Variants in MCTP1 observed in about 807,000 individuals in gnomAD.
MCTP1 encodes multiple C2 and transmembrane domain containing 1, also known as multiple C2 and transmembrane domain-containing protein 1.
Under a neutral mutation model 120.6 loss-of-function variants are expected in MCTP1, and 69 were observed. The ratio of observed to expected loss-of-function variants is 0.57; its 90% CI spans 0.47 to 0.70. The LOEUF (loss-of-function observed/expected upper bound fraction) is 0.70. MCTP1 is among the 30% of genes least tolerant of loss of function. The pLI is 0.00. For synonymous variants in MCTP1, 529 were observed against 493.1 expected, an observed-to-expected ratio of 1.07 and a Z score of -0.96; for missense variants, 1,203 against 1,248.8, an observed-to-expected ratio of 0.96 and a Z score of 0.55.
At chr5:95,141,481 G>T (rs1218736614) in intron 1 of MCTP1, among the ~76,000 whole-genome samples, 1 of 152,128 alleles carries the variant, frequency 6.6e-6, no homozygotes. Flanking sequence ...GCTCAATTTA[G>T]GTCACTGTTG....
chr5:94,814,900 G>A (rs1300429306), intron 17 of MCTP1, among the ~76,000 whole-genome samples: 1 of 152,122 alleles, frequency 6.6e-6, no homozygotes, highest in Non-Finnish European at 1.5e-5. Context: ...CTTGGGTGAG[G>A]AACTCTTTTA....
chr5:95,021,883 A>T (rs2153676063), intron 1 of MCTP1, among the ~76,000 whole-genome samples: 1 of 152,312 alleles, frequency 6.6e-6, no homozygotes, highest in Non-Finnish European at 1.5e-5. Flanking sequence ...TCACAATTTA[A>T]CATGATGTTT....
At chr5:94,760,756 C>T (rs996908189) in intron 19 of MCTP1, among the ~76,000 whole-genome samples, 6 of 151,812 alleles carry the variant, frequency 4.0e-5, no homozygotes, top group Admixed American at 3.3e-4. Context: ...ACGATCACAG[C>T]TCGCTGCAGC....
At chr5:95,058,400 A>C (rs1747989136) in intron 1 of MCTP1, among the ~76,000 whole-genome samples, 1 of 152,230 alleles carries the variant, frequency 6.6e-6, no homozygotes, top group African/African-American at 2.4e-5. Flanking sequence ...GAAGAATTCT[A>C]ATATGCAGGA....
At position 94,917,485 on chromosome 5, in the gene MCTP1, T is replaced by C. The variant is rs553709110; in HGVS notation, c.1350+411A>G. Among the ~76,000 whole-genome samples the C allele has an allele frequency of 2.8e-4, 42 of 152,374 alleles. No homozygotes were observed. In the South Asian group the frequency reaches 4.3e-3, roughly 16 times the overall value. On this transcript the variant is annotated intron_variant, in intron 8 of 22. Transcript: ENST00000515393. ...TCAATTTACTGAAATTGCGTGATTC[T>C]CTGAGATGTGATTCAGTTCTTATGG...
chr5:94,787,983 T>C (rs1433890676), intron 18 of MCTP1, among the ~76,000 whole-genome samples: 1 of 152,222 alleles, frequency 6.6e-6, no homozygotes, highest in Non-Finnish European at 1.5e-5. Context: ...GGTTTGGAAT[T>C]TAATCCCAGA....
chr5:95,072,740 A>ATTTT (rs11421165), intron 1 of MCTP1, among the ~76,000 whole-genome samples: 1,738 of 95,152 alleles, frequency 0.018, 24 homozygotes, highest in Non-Finnish European at 0.025. Flanking sequence ...CTTAGCAACT[A>ATTTT]TTTTTTTTTT....
intron 1 of MCTP1, among the ~76,000 whole-genome samples, chr5:95,168,113 TG>T (rs1216019292): frequency 6.6e-6 from 1 of 152,256 alleles, no homozygotes; most frequent in Non-Finnish European, 1.5e-5. Flanking sequence ...TTTCTACATA[TG>T]GCTAGCCAGT....
chr5:94,745,648 C>T (rs1387464253), intron 19 of MCTP1, among the ~76,000 whole-genome samples: 1 of 152,100 alleles, frequency 6.6e-6, no homozygotes, highest in Non-Finnish European at 1.5e-5. Context: ...TTTCTAGTGC[C>T]TAACACTGAG....
At chr5:95,201,684 T>A (rs1751075058) in intron 1 of MCTP1, among the ~76,000 whole-genome samples, 1 of 151,686 alleles carries the variant, frequency 6.6e-6, no homozygotes. Context: ...TTTGTATTTT[T>A]AGGAGAGACA....
intron 1 of MCTP1, among the ~76,000 whole-genome samples, chr5:95,244,468 T>A (rs1756526910): frequency 6.6e-6 from 1 of 152,212 alleles, no homozygotes; most frequent in Non-Finnish European, 1.5e-5. Flanking sequence ...AATGGTACAC[T>A]ACTGACCAAA....
At chr5:95,085,206 C>A (rs943551719) in intron 1 of MCTP1, among the ~76,000 whole-genome samples, 20 of 152,164 alleles carry the variant, frequency 1.3e-4, no homozygotes, top group Admixed American at 7.9e-4. Context: ...CCTATCCCAT[C>A]CCTTCTTCTC....
chr5:95,073,605 G>A (rs1424380536), intron 1 of MCTP1, among the ~76,000 whole-genome samples: 1 of 152,196 alleles, frequency 6.6e-6, no homozygotes, highest in Non-Finnish European at 1.5e-5. Flanking sequence ...TATGGAAGAA[G>A]ATGACAGTGC....
At chr5:94,804,366 A>G (rs146652878) in intron 17 of MCTP1, among the ~76,000 whole-genome samples, 2 of 152,360 alleles carry the variant, frequency 1.3e-5, no homozygotes, top group Admixed American at 6.5e-5. Flanking sequence ...CAAGTTGGCT[A>G]TGGAAAAGCA....
intron 19 of MCTP1, among the ~76,000 whole-genome samples, chr5:94,747,453 T>G (rs920421235): frequency 6.6e-6 from 1 of 152,156 alleles, no homozygotes; most frequent in South Asian, 2.1e-4. Context: ...AAGGGCTAAA[T>G]AGTAAATATT....
chr5:94,914,678 T>C (rs892349128), intron 8 of MCTP1, among the ~76,000 whole-genome samples: 4 of 152,182 alleles, frequency 2.6e-5, no homozygotes, highest in East Asian at 1.9e-4. Context: ...TGTTCTGAAG[T>C]GTAATGGAGA....
chr5:94,983,873 A>G (rs1829980032), intron 2 of MCTP1, among the ~76,000 whole-genome samples: 1 of 152,198 alleles, frequency 6.6e-6, no homozygotes, highest in Admixed American at 6.5e-5. Context: ...CATCTAAAAC[A>G]TGAGAGCTCT....
At chr5:94,849,737 T>G (rs1020191925) in intron 17 of MCTP1, among the ~76,000 whole-genome samples, 2 of 152,150 alleles carry the variant, frequency 1.3e-5, no homozygotes, top group African/African-American at 4.8e-5. Context: ...TGTACTATTT[T>G]CAACCCATGA....
At chr5:95,222,577 G>T (rs111456422) in intron 1 of MCTP1, among the ~76,000 whole-genome samples, 124 of 152,316 alleles carry the variant, frequency 8.1e-4, no homozygotes, top group African/African-American at 2.9e-3. Flanking sequence ...AACTTTTAAA[G>T]AATTCTGCTT....
Sources: allele counts gnomAD v4.1 joint callset (sites outside exome capture counted in the v4.1 genomes callset), GRCh38; gene constraint gnomAD v4.1.1; transcripts MANE v1.5; gene names NCBI Gene and HGNC (gene_info 2026-07-23, HGNC 2026-07-21).